AP4S1: variants seen among roughly 807,000 people sequenced by gnomAD.
The protein encoded by AP4S1 is AP-4 complex subunit sigma-1.
AP4S1 carries 23 observed loss-of-function variants against 19.8 expected under a neutral mutation model. The ratio of observed to expected loss-of-function variants is 1.16; its 90% confidence interval spans 0.84 to 1.65. The LOEUF is 1.65. Ranked by LOEUF, AP4S1 falls within the 40% of genes most tolerant of loss-of-function variation. AP4S1 has a pLI of 0.00. For synonymous variants in AP4S1, 46 were observed against 54.1 expected (o/e 0.85, Z 0.66); for missense variants, 166 against 172.8 (o/e 0.96, Z 0.22).
intron 1 of AP4S1, among the ~76,000 whole-genome samples, chr14:31,049,897 G>A (rs1466202189): frequency 1.3e-5 from 2 of 151,472 alleles, no homozygotes; most frequent in East Asian, 2.0e-4. Context: ...CGCCATTCCC[G>A]GTGCCCTCTT....
chr14:31,052,728 CAAAA>C lies in AP4S1; in HGVS notation c.-71-13382_-71-13379del, dbSNP rs967926664. Among the ~76,000 whole-genome samples, 14 of 53,348 alleles carry C rather than the reference CAAAA, an allele frequency of 2.6e-4. No individual in the cohort carries two copies. In the East Asian group the frequency reaches 6.8e-3, roughly 26 times the overall value. The allele number at this position is 53,348 out of a possible 152,430, so 35.0% of individuals were successfully genotyped here. On this transcript the variant is annotated intron_variant, in intron 1 of 5. Coordinates refer to ENST00000542754, the MANE Select transcript of AP4S1 (RefSeq NM_001128126.3). Reference sequence around the variant, plus strand: ...GGGTGACAAGAGCAAGACTCCCTCTCAAAAAAAAAAAAAAAAAAAGGTAGAATCA... The same window carrying C: ...GGGTGACAAGAGCAAGACTCCCTCTCAAAAAAAAAAAAAAAGGTAGAATCA...
At chr14:31,061,298 C>T (rs567407581) in intron 1 of AP4S1, among the ~76,000 whole-genome samples, 3 of 152,272 alleles carry the variant, frequency 2.0e-5, no homozygotes, top group Admixed American at 1.3e-4. Context: ...GGATTACCGG[C>T]GTGAGCCACC....
intron 4 of AP4S1, among the ~76,000 whole-genome samples, chr14:31,074,233 G>C (rs1386583748): frequency 1.3e-5 from 2 of 151,924 alleles, no homozygotes; most frequent in Non-Finnish European, 2.9e-5. Flanking sequence ...GGCTGAGGCA[G>C]AGAATAGCTT....
At chr14:31,072,272 C>T (rs945086005) in intron 3 of AP4S1, among the ~76,000 whole-genome samples, 2 of 151,936 alleles carry the variant, frequency 1.3e-5, no homozygotes, top group South Asian at 2.1e-4. Context: ...GAAGAGGTCT[C>T]ATTATGTTGG....
At chr14:31,025,864 C>T in intron 1 of AP4S1, 77 bp downstream of exon 1, 2 of 1,576,444 alleles carry the variant, frequency 1.3e-6, no homozygotes, top group Non-Finnish European at 1.7e-6. Flanking sequence ...GCCGGGAACC[C>T]AGCCGCCGCA....
intron 4 of AP4S1, among the ~76,000 whole-genome samples, chr14:31,073,429 G>T (rs1462960764): frequency 1.4e-5 from 2 of 139,266 alleles, no homozygotes; most frequent in Non-Finnish European, 1.6e-5. Flanking sequence ...GGCGGAGCTT[G>T]CAGTGAGCCG....
chr14:31,091,737 A>G (rs1264517676), intron 5 of AP4S1, among the ~76,000 whole-genome samples: 1 of 152,154 alleles, frequency 6.6e-6, no homozygotes, highest in East Asian at 1.9e-4. Context: ...GGTCTGGTTG[A>G]AAAAAATCAA....
chr14:31,039,232 C>A (rs1300516037), intron 1 of AP4S1, among the ~76,000 whole-genome samples: 1 of 152,016 alleles, frequency 6.6e-6, no homozygotes, highest in African/African-American at 2.4e-5. Context: ...GTCGCCTAGG[C>A]TGGAGTGCAG....
At chr14:31,085,664 T>C (rs139544371) in intron 5 of AP4S1, 29,163 of 647,598 alleles carry the variant, frequency 0.045, 756 homozygotes, top group Non-Finnish European at 0.051. Context: ...TCCCAACTAC[T>C]AGGGAGGCTG....
At chr14:31,060,234 T>C (rs1374449999) in intron 1 of AP4S1, among the ~76,000 whole-genome samples, 1 of 151,916 alleles carries the variant, frequency 6.6e-6, no homozygotes, top group Admixed American at 6.6e-5. Flanking sequence ...AATACAGTGT[T>C]TGTGGCATGC....
At chr14:31,060,309 T>C (rs1035498217) in intron 1 of AP4S1, among the ~76,000 whole-genome samples, 1 of 152,080 alleles carries the variant, frequency 6.6e-6, no homozygotes, top group Non-Finnish European at 1.5e-5. Flanking sequence ...CTGTGGGACT[T>C]GAGTATGCAC....
In AP4S1 at chr14:31,025,932, T is replaced by C. The variant is rs1280503897; in HGVS notation, c.-72+145T>C. 9.4e-6 allele frequency: 15 copies of C among 1,600,974 alleles called. No homozygotes were observed. In the East Asian group the frequency reaches 3.4e-4, roughly 37 times the overall value. ...CAGTTCGGCCCGTTCCACCTCCCAG[T>C]GCGCCCGCTCCATCTCGAACCGAGC... On this transcript the variant is annotated intron_variant, in intron 1 of 5. Coordinates refer to ENST00000542754, the MANE Select transcript of AP4S1 (RefSeq NM_001128126.3).
At chr14:31,065,417 C>T (rs1410558404) in intron 1 of AP4S1, among the ~76,000 whole-genome samples, 1 of 152,192 alleles carries the variant, frequency 6.6e-6, no homozygotes, top group Non-Finnish European at 1.5e-5. Flanking sequence ...AGTTATAACT[C>T]ATCACCTTGT....
At chr14:31,039,572 GT>G (rs1398903989) in intron 1 of AP4S1, among the ~76,000 whole-genome samples, 45 of 115,802 alleles carry the variant, frequency 3.9e-4, no homozygotes, top group East Asian at 9.3e-4. Flanking sequence ...GTGTAGTTTT[GT>G]TTTTTTTTTT....
chr14:31,032,239 C>A (rs1884440534), intron 1 of AP4S1, among the ~76,000 whole-genome samples: 1 of 152,092 alleles, frequency 6.6e-6, no homozygotes, highest in Non-Finnish European at 1.5e-5. Flanking sequence ...AAAAATTAGC[C>A]AGGCATGGTG....
chr14:31,062,350 C>T (rs965967415), intron 1 of AP4S1, among the ~76,000 whole-genome samples: 1 of 152,078 alleles, frequency 6.6e-6, no homozygotes, highest in African/African-American at 2.4e-5. Context: ...CCGCCCTCCT[C>T]GGCCTCCCAA....
chr14:31,045,470 C>G (rs528188250), intron 1 of AP4S1, among the ~76,000 whole-genome samples: 1 of 152,100 alleles, frequency 6.6e-6, no homozygotes, highest in Non-Finnish European at 1.5e-5. Flanking sequence ...GTGACCCTTT[C>G]CCCCTTCACT....
chr14:31,075,928 G>A (rs1887332159), intron 4 of AP4S1, among the ~76,000 whole-genome samples: 2 of 151,814 alleles, frequency 1.3e-5, no homozygotes, highest in South Asian at 4.2e-4. Flanking sequence ...TAGTAGAGAC[G>A]GGGTTTCTCC....
chr14:31,080,552 C>T lies in AP4S1; in HGVS notation c.295-21C>T. On this transcript the variant is annotated intron_variant, in intron 4 of 5. Coordinates refer to ENST00000542754, the MANE Select transcript of AP4S1 (RefSeq NM_001128126.3). ...CCCAGTGTCTTTTTTCTAACCCTTG[C>T]ACTCTTTTTCTGTCTTCCAGAGTGA... The T allele has an allele frequency of 3.1e-6, 5 of 1,599,228 alleles. No individual in the cohort carries two copies. In the South Asian group the frequency reaches 3.3e-5, roughly 11 times the overall value.
Sources: gnomAD v4.1 joint callset for allele counts (sites outside exome capture counted in the v4.1 genomes callset) on GRCh38, gnomAD v4.1.1 for gene constraint, MANE v1.5 for transcripts, NCBI Gene and HGNC (gene_info 2026-07-23, HGNC 2026-07-21) for gene names.